LRRC63: variants seen among roughly 807,000 people sequenced by gnomAD.
LRRC63 encodes leucine rich repeat containing 63.
A neutral mutation model predicts 49.5 loss-of-function variants in LRRC63; 40 were observed. That is an observed-to-expected ratio of 0.81 (90% CI 0.63 to 1.05). The LOEUF (loss-of-function observed/expected upper bound fraction) is 1.05. LRRC63 is among the 50% of genes least tolerant of loss of function. LRRC63 has a pLI of 0.00. For missense variants in LRRC63, 636 were observed against 663.1 expected, an observed-to-expected ratio of 0.96 and a Z score of 0.45; for synonymous variants, 191 against 221.1, an observed-to-expected ratio of 0.86 and a Z score of 1.21.
At chr13:46,251,059 A>G (rs2047365575) in intron 7 of LRRC63, among the ~76,000 whole-genome samples, 1 of 151,832 alleles carries the variant, frequency 6.6e-6, no homozygotes, top group Non-Finnish European at 1.5e-5. Context: ...AAAATTTTAA[A>G]CCAAAACCTT....
At chr13:46,258,728 A>G (rs1270038525) in intron 7 of LRRC63, among the ~76,000 whole-genome samples, 1 of 150,266 alleles carries the variant, frequency 6.7e-6, no homozygotes, top group Non-Finnish European at 1.5e-5. Flanking sequence ...GAATCGCTTG[A>G]ACCAGGGGAG....
chr13:46,246,512 G>A lies in LRRC63; in HGVS notation c.991-15G>A, dbSNP rs755438831. 2 of 1,354,118 alleles carry A rather than the reference G, an allele frequency of 1.5e-6. No individual in the cohort carries two copies. Among genetic ancestry groups the A allele is most frequent in the Non-Finnish European group, 1.9e-6 (2 of 1,025,690 alleles). 83.9% of individuals were successfully genotyped at this position (1,354,118 alleles called of 1,614,324 possible). Reference sequence around the variant, plus strand: ...GTTAGTGATTAACACCTTATCTCTTGTCACTTTCTTTTAGGGCTTTTTTAT... The same window carrying A: ...GTTAGTGATTAACACCTTATCTCTTATCACTTTCTTTTAGGGCTTTTTTAT... On this transcript the variant is annotated splice_polypyrimidine_tract_variant and intron_variant, in intron 5 of 9. Coordinates refer to ENST00000595396, the Ensembl canonical transcript of LRRC63.
chr13:46,239,099 A>G (rs1292341418), intron 5 of LRRC63, among the ~76,000 whole-genome samples: 4 of 152,164 alleles, frequency 2.6e-5, no homozygotes, highest in African/African-American at 9.6e-5. Flanking sequence ...GAGTAAACCA[A>G]CCCCAAAGCT....
intron 5 of LRRC63, among the ~76,000 whole-genome samples, 187 bp downstream of exon 5, chr13:46,234,536 A>T (rs909930296): frequency 6.6e-6 from 1 of 152,208 alleles, no homozygotes; most frequent in Non-Finnish European, 1.5e-5. Flanking sequence ...GTTTAAAAAG[A>T]TTCTGAGGTT....
chr13:46,255,221 T>G (rs1000224142), intron 7 of LRRC63, among the ~76,000 whole-genome samples: 12 of 152,040 alleles, frequency 7.9e-5, no homozygotes, highest in Admixed American at 3.3e-4. Flanking sequence ...TAGACAAATT[T>G]ACAGACACAG....
intron 8 of LRRC63, among the ~76,000 whole-genome samples, chr13:46,264,335 C>T (rs571719149): frequency 2.0e-5 from 3 of 152,248 alleles, no homozygotes; most frequent in African/African-American, 4.8e-5. Flanking sequence ...CCATCTGTTT[C>T]GTATTTTCTT....
At chr13:46,250,649 CA>C (rs780039482) in intron 7 of LRRC63, among the ~76,000 whole-genome samples, 158 bp downstream of exon 7, 3 of 151,934 alleles carry the variant, frequency 2.0e-5, no homozygotes, top group Non-Finnish European at 2.9e-5. Flanking sequence ...GTGTTAAAAA[CA>C]ATCCTACCAG....
intron 9 of LRRC63, 138 bp from the exon 10 acceptor site, chr13:46,276,452 A>T (rs79887412): frequency 2.5e-6 from 1 of 400,184 alleles, no homozygotes; most frequent in East Asian, 3.6e-5. Flanking sequence ...TTAGTCTTTC[A>T]CTTAATGGGT....
chr13:46,274,407 C>T lies in LRRC63; in HGVS notation c.1551-2183C>T, dbSNP rs187486212. Among the ~76,000 whole-genome samples, 4 of 152,304 alleles carry T rather than the reference C, an allele frequency of 2.6e-5. No homozygotes were observed. In the East Asian group the frequency reaches 5.8e-4, roughly 22 times the overall value. On this transcript the variant is annotated intron_variant, in intron 9 of 9. Transcript: ENST00000595396. ...TTGCTAGCTACTGAAAATTTCGGTA[C>T]TGTCCTACTTTCGCTGAGTTCTTTG...
chr13:46,275,659 T>A (rs997750900), intron 9 of LRRC63, among the ~76,000 whole-genome samples: 3 of 151,332 alleles, frequency 2.0e-5, no homozygotes, highest in African/African-American at 4.8e-5. Context: ...AAATCAGATT[T>A]TTTTTTTTTG....
intron 9 of LRRC63, among the ~76,000 whole-genome samples, chr13:46,270,833 C>T (rs2047748130): frequency 6.6e-6 from 1 of 152,106 alleles, no homozygotes; most frequent in Non-Finnish European, 1.5e-5. Context: ...TCTGGCCTGC[C>T]CATGTACTTA....
intron 2 of LRRC63, among the ~76,000 whole-genome samples, chr13:46,217,573 A>AT (rs1431051484): frequency 6.6e-6 from 1 of 152,030 alleles, no homozygotes; most frequent in Admixed American, 6.5e-5. Context: ...GGATTCATTG[A>AT]TTTTTTGAAG....
chr13:46,272,816 G>GT (rs752814509), intron 9 of LRRC63, among the ~76,000 whole-genome samples: 5 of 152,154 alleles, frequency 3.3e-5, no homozygotes, highest in Admixed American at 6.6e-5. Flanking sequence ...ATTTTATTAA[G>GT]TAAAAAAAGC....
intron 6 of LRRC63, among the ~76,000 whole-genome samples, chr13:46,248,935 A>G (rs1335785898): frequency 6.6e-6 from 1 of 151,904 alleles, no homozygotes; most frequent in East Asian, 1.9e-4. Flanking sequence ...AAAAATTACA[A>G]AAGTCTATTT....
intron 4 of LRRC63, among the ~76,000 whole-genome samples, chr13:46,229,845 T>C (rs2046692489): frequency 6.6e-6 from 1 of 152,178 alleles, no homozygotes; most frequent in Non-Finnish European, 1.5e-5. Flanking sequence ...TCTGCAGACC[T>C]TACAAGAAGT....
intron 5 of LRRC63, among the ~76,000 whole-genome samples, chr13:46,237,206 T>G (rs181986928): frequency 1.6e-4 from 24 of 152,268 alleles, no homozygotes; most frequent in African/African-American, 2.4e-4. Context: ...TATCTGTGGT[T>G]TTCAGGGTTG....
chr13:46,223,484 G>GTTTTTTTTT (rs75553094), intron 2 of LRRC63, among the ~76,000 whole-genome samples: 6 of 131,660 alleles, frequency 4.6e-5, no homozygotes, highest in Non-Finnish European at 5.0e-5. Context: ...AGTTTTTTTT[G>GTTTTTTTTT]TTTTTTTTTT....
At chr13:46,224,024 A>G (rs1231390920) in intron 2 of LRRC63, among the ~76,000 whole-genome samples, 1 of 152,192 alleles carries the variant, frequency 6.6e-6, no homozygotes, top group African/African-American at 2.4e-5. Flanking sequence ...ATAATGTGCC[A>G]TGGGGAAGAC....
intron 6 of LRRC63, among the ~76,000 whole-genome samples, chr13:46,249,369 A>G (rs924961874): frequency 6.6e-6 from 1 of 151,834 alleles, no homozygotes; most frequent in African/African-American, 2.4e-5. Flanking sequence ...AACAAAATTG[A>G]CAAACTTTAC....
Sources: gnomAD v4.1 joint callset for allele counts (sites outside exome capture counted in the v4.1 genomes callset) on GRCh38, gnomAD v4.1.1 for gene constraint, MANE v1.5 for transcripts, NCBI Gene and HGNC (gene_info 2026-07-23, HGNC 2026-07-21) for gene names.